The following LRRC49 variants were observed in gnomAD, a reference collection of about 807,000 sequenced individuals.
LRRC49 encodes the protein leucine-rich repeat-containing protein 49.
LRRC49 carries 50 observed loss-of-function variants against 83.3 expected under a neutral mutation model. The observed-to-expected ratio is 0.60, with a 90% CI of 0.48 to 0.76. LRRC49 has a LOEUF of 0.76. LRRC49 is among the 30% of genes least tolerant of loss of function. The pLI is 0.00. For synonymous variants in LRRC49, 286 were observed against 283.3 expected (o/e 1.01, Z -0.10); for missense variants, 704 against 809.1 (o/e 0.87, Z 1.58).
chr15:71,028,061 G>A (rs937288802), intron 14 of LRRC49, among the ~76,000 whole-genome samples: 7 of 152,158 alleles, frequency 4.6e-5, no homozygotes, highest in Admixed American at 3.9e-4. Flanking sequence ...TGCCCATTCA[G>A]TATAATACTG....
intron 1 of LRRC49, among the ~76,000 whole-genome samples, chr15:70,864,808 G>T (rs2032875988): frequency 2.6e-5 from 4 of 152,102 alleles, no homozygotes. Context: ...TTCAGTTTGG[G>T]TTCTTCTCAT....
intron 7 of LRRC49, among the ~76,000 whole-genome samples, chr15:70,927,841 T>A (rs1045931943): frequency 6.6e-6 from 1 of 151,888 alleles, no homozygotes; most frequent in Non-Finnish European, 1.5e-5. Context: ...AGAGATGGGG[T>A]CTTGCCATGT....
At chr15:70,975,237 T>A (rs1355393585) in intron 9 of LRRC49, among the ~76,000 whole-genome samples, 2 of 152,098 alleles carry the variant, frequency 1.3e-5, no homozygotes, top group African/African-American at 2.4e-5. Flanking sequence ...AAGGAAGATA[T>A]CCCAGTGATC....
chr15:70,986,191 G>A (rs1441306400), intron 11 of LRRC49, among the ~76,000 whole-genome samples: 4 of 151,614 alleles, frequency 2.6e-5, no homozygotes, highest in Admixed American at 2.0e-4. Flanking sequence ...GTAGCTTGAT[G>A]GGGATGGCAT....
At chr15:70,893,526 TGGAAATATG>T in intron 1 of LRRC49, 49 bp from the exon 2 acceptor site, 1 of 963,692 alleles carries the variant, frequency 1.0e-6, no homozygotes, top group Non-Finnish European at 1.6e-6. Flanking sequence ...TTTTTTTTTT[TGGAAATATG>T]TGTTTGTGTA....
At chr15:70,885,706 C>A (rs1000235905) in intron 2 of LRRC49, among the ~76,000 whole-genome samples, 2 of 152,138 alleles carry the variant, frequency 1.3e-5, no homozygotes, top group African/African-American at 4.8e-5. Flanking sequence ...AATAACATAG[C>A]TTCAAGATAT....
chr15:70,956,653 G>A (rs1425176629), intron 8 of LRRC49, among the ~76,000 whole-genome samples: 1 of 151,836 alleles, frequency 6.6e-6, no homozygotes, highest in East Asian at 1.9e-4. Flanking sequence ...CCCATCATTA[G>A]CCTGTATTTG....
intron 1 of LRRC49, among the ~76,000 whole-genome samples, chr15:70,857,579 G>A (rs926396095): frequency 6.6e-6 from 1 of 152,146 alleles, no homozygotes; most frequent in Non-Finnish European, 1.5e-5. Context: ...GTTTAAGCAT[G>A]TCCCAAATAC....
intron 14 of LRRC49, among the ~76,000 whole-genome samples, chr15:71,036,528 CA>C (rs1187937154): frequency 6.6e-6 from 1 of 152,110 alleles, no homozygotes; most frequent in African/African-American, 2.4e-5. Flanking sequence ...TGGTGGAAAC[CA>C]AAAATCCACC....
At chr15:70,892,341 G>A (rs28364707), upstream of LRRC49, 18 of 1,549,004 alleles carry the variant, frequency 1.2e-5, no homozygotes, top group East Asian at 4.4e-4. Context: ...TCCTCGCAGC[G>A]GCCTCGGCGA....
intron 11 of LRRC49, among the ~76,000 whole-genome samples, chr15:70,988,933 ATTCTT>A (rs1483575650): frequency 3.9e-5 from 6 of 152,174 alleles, no homozygotes; most frequent in African/African-American, 1.2e-4. Context: ...TGGGTTGAAA[ATTCTT>A]TTCTTTAAGA....
At chr15:70,957,742 A>C (rs2036453180) in intron 8 of LRRC49, among the ~76,000 whole-genome samples, 1 of 152,176 alleles carries the variant, frequency 6.6e-6, no homozygotes, top group Non-Finnish European at 1.5e-5. Context: ...TTAATACCTT[A>C]AGGTGGAAAT....
intron 11 of LRRC49, among the ~76,000 whole-genome samples, chr15:71,003,298 C>T (rs890888581): frequency 6.6e-6 from 1 of 152,126 alleles, no homozygotes; most frequent in Non-Finnish European, 1.5e-5. Flanking sequence ...AAATTAACCA[C>T]TAAAAATCTT....
At chr15:71,003,770 C>T (rs1049595508) in intron 11 of LRRC49, among the ~76,000 whole-genome samples, 2 of 152,052 alleles carry the variant, frequency 1.3e-5, no homozygotes, top group African/African-American at 4.8e-5. Context: ...AATAACTTGC[C>T]CCAGAAGTCA....
chr15:71,031,192 G>T (rs1228417910), intron 14 of LRRC49, among the ~76,000 whole-genome samples: 1 of 152,098 alleles, frequency 6.6e-6, no homozygotes, highest in Admixed American at 6.5e-5. Context: ...TTTTTGTGTG[G>T]GGATCCTTTA....
intron 8 of LRRC49, among the ~76,000 whole-genome samples, chr15:70,954,343 A>G (rs1168405990): frequency 6.6e-6 from 1 of 151,810 alleles, no homozygotes; most frequent in Non-Finnish European, 1.5e-5. Flanking sequence ...GGGTTGTTTT[A>G]CTGTTTTGCC....
chr15:70,990,360 C>G (rs188266395), intron 11 of LRRC49, among the ~76,000 whole-genome samples: 1 of 152,156 alleles, frequency 6.6e-6, no homozygotes, highest in Non-Finnish European at 1.5e-5. Context: ...CCCCCAGCCT[C>G]GCTGCTGCCT....
chr15:70,948,652 C>T (rs1356020773), intron 8 of LRRC49, among the ~76,000 whole-genome samples: 2 of 151,908 alleles, frequency 1.3e-5, no homozygotes, highest in Non-Finnish European at 2.9e-5. Flanking sequence ...CCTTTCTGGC[C>T]CAACAAGATG....
At chr15:70,918,943 T>C in intron 6 of LRRC49, 107 bp from the exon 7 acceptor site, 1 of 817,606 alleles carries the variant, frequency 1.2e-6, no homozygotes, top group Non-Finnish European at 1.9e-6. Flanking sequence ...ACATATAAAC[T>C]TGCCACTAAA....
Sources: allele counts gnomAD v4.1 joint callset (sites outside exome capture counted in the v4.1 genomes callset), GRCh38; gene constraint gnomAD v4.1.1; transcripts MANE v1.5; gene names NCBI Gene and HGNC (gene_info 2026-07-23, HGNC 2026-07-21).